ADGRV1: variants seen among roughly 807,000 people sequenced by gnomAD.
The protein encoded by ADGRV1 is G-protein coupled receptor 98.
A neutral mutation model predicts 596.2 loss-of-function variants in ADGRV1; 359 were observed. That is an observed-to-expected ratio of 0.60 (90% CI 0.55 to 0.66). The LOEUF (loss-of-function observed/expected upper bound fraction) is 0.66, where lower values mean the gene tolerates loss of function less well. Ranked by LOEUF, ADGRV1 falls within the 30% of genes least tolerant of loss-of-function variation. The pLI is 0.00. For missense variants in ADGRV1, 7,274 were observed against 7,575.6 expected (o/e 0.96, Z 1.48); for synonymous variants, 2,681 against 2,679.2 (o/e 1.00, Z -0.02).
At chr5:90,770,333 G>T (rs1296778271) in intron 59 of ADGRV1, among the ~76,000 whole-genome samples, 2 of 152,080 alleles carry the variant, frequency 1.3e-5, no homozygotes, top group African/African-American at 2.4e-5. Flanking sequence ...CTCCCGCCAG[G>T]TCCCTCCCAT....
chr5:90,567,514 A>C (rs1199760913), intron 1 of ADGRV1, among the ~76,000 whole-genome samples: 1 of 151,746 alleles, frequency 6.6e-6, no homozygotes, highest in Non-Finnish European at 1.5e-5. Context: ...TCAGATTTTT[A>C]ATTTCTTTTT....
At chr5:91,161,279 G>T (rs1796920913) in intron 89 of ADGRV1, among the ~76,000 whole-genome samples, 1 of 152,158 alleles carries the variant, frequency 6.6e-6, no homozygotes, top group African/African-American at 2.4e-5. Flanking sequence ...CAGCAGAGAA[G>T]CATGGGCCAT....
chr5:91,037,152 G>A (rs1373705245), intron 85 of ADGRV1, among the ~76,000 whole-genome samples: 1 of 152,200 alleles, frequency 6.6e-6, no homozygotes, highest in African/African-American at 2.4e-5. Context: ...GGTGATTGCT[G>A]TGCATGCAGT....
intron 85 of ADGRV1, among the ~76,000 whole-genome samples, chr5:91,050,743 C>T (rs1032057535): frequency 6.6e-6 from 1 of 151,958 alleles, no homozygotes; most frequent in South Asian, 2.1e-4. Flanking sequence ...GCCTGTGGTT[C>T]CAGGTACTCA....
Position 91,011,757 on chromosome 5 carries a change from GAA to G in ADGRV1, c.18152+26244_18152+26245del, listed in dbSNP as rs79702880. On this transcript the variant is annotated intron_variant, in intron 85 of 89. Transcript: ENST00000405460. ...ATTTAGATTTGATAAGGCCAGGGGG[GAA>G]AAAAAAAAGCAATGCTAACAGAAAT... Among the ~76,000 whole-genome samples, 20 of 150,802 alleles carry G rather than the reference GAA, an allele frequency of 1.3e-4. No homozygotes were observed. In the South Asian group the frequency reaches 2.3e-3, roughly 17 times the overall value.
At chr5:90,625,335 C>G (rs998506102) in intron 6 of ADGRV1, 92 bp downstream of exon 6, 2 of 710,174 alleles carry the variant, frequency 2.8e-6, no homozygotes, top group Non-Finnish European at 4.9e-6. Flanking sequence ...CCAGTCGCAC[C>G]TCAGCTATAA....
chr5:90,759,275 G>C lies in ADGRV1; in HGVS notation c.11941-134G>C. 9.6e-6 allele frequency: 6 copies of C among 622,722 alleles called. 1 individual carries two copies. The South Asian group carries it at 1.4e-4, about 14-fold the overall frequency. The allele number at this position is 622,722 out of a possible 1,614,324, so 38.6% of individuals were successfully genotyped here. A position where few individuals can be genotyped will look rare whatever the true frequency, so the allele number is the denominator to read the frequency against. On this transcript the variant is annotated intron_variant, in intron 57 of 89. Coordinates refer to ENST00000405460, the MANE Select transcript of ADGRV1 (RefSeq NM_032119.4). ...AACTACTTTTTAGTACCATGTTTCT[G>C]AGATTTTTGGTTTCAACTAAAAAAT...
chr5:90,754,844 A>G, intron 54 of ADGRV1, 139 bp from the exon 55 acceptor site: 1 of 609,214 alleles, frequency 1.6e-6, no homozygotes, highest in South Asian at 2.4e-5. Flanking sequence ...GATCCTTGGG[A>G]GTATACATTG....
At chr5:90,992,294 C>G (rs972135593) in intron 85 of ADGRV1, among the ~76,000 whole-genome samples, 1 of 152,124 alleles carries the variant, frequency 6.6e-6, no homozygotes, top group Non-Finnish European at 1.5e-5. Context: ...CTTTTTATGG[C>G]GATTAATTAT....
At chr5:91,050,844 G>T (rs565940707) in intron 85 of ADGRV1, among the ~76,000 whole-genome samples, 21 of 152,308 alleles carry the variant, frequency 1.4e-4, no homozygotes, top group African/African-American at 4.8e-4. Context: ...GGGTGATGGA[G>T]TGAGACCCTG....
intron 77 of ADGRV1, among the ~76,000 whole-genome samples, chr5:90,836,874 G>A (rs1386468681): frequency 1.3e-5 from 2 of 152,150 alleles, no homozygotes; most frequent in African/African-American, 4.8e-5. Flanking sequence ...AATTGCCCTT[G>A]TGTTGTTCTC....
intron 86 of ADGRV1, among the ~76,000 whole-genome samples, chr5:91,076,343 ATGGAG>A (rs1041384370): frequency 1.3e-5 from 2 of 152,146 alleles, no homozygotes; most frequent in Non-Finnish European, 2.9e-5. Flanking sequence ...TTATCTTAGA[ATGGAG>A]TGGTCACTTG....
chr5:90,979,677 A>G (rs1779931524), intron 84 of ADGRV1, among the ~76,000 whole-genome samples: 1 of 152,200 alleles, frequency 6.6e-6, no homozygotes. Flanking sequence ...GTCTGCATAC[A>G]TCCATGCCAT....
At chr5:91,111,697 A>G (rs1792382659) in intron 87 of ADGRV1, among the ~76,000 whole-genome samples, 1 of 152,242 alleles carries the variant, frequency 6.6e-6, no homozygotes, top group Non-Finnish European at 1.5e-5. Flanking sequence ...CTAGCACATG[A>G]ACTATTCATG....
chr5:90,581,893 A>G (rs1474688316), intron 1 of ADGRV1, among the ~76,000 whole-genome samples: 1 of 152,182 alleles, frequency 6.6e-6, no homozygotes, highest in African/African-American at 2.4e-5. Context: ...CTCTACTCTC[A>G]TTAGTTTCAA....
At chr5:90,813,747 C>T (rs771408919) in intron 74 of ADGRV1, among the ~76,000 whole-genome samples, 2 of 152,172 alleles carry the variant, frequency 1.3e-5, no homozygotes, top group Non-Finnish European at 2.9e-5. Context: ...CCCTACCTGA[C>T]ATTTTTTTCT....
In ADGRV1 at chr5:90,584,002, G is replaced by A. The variant is rs558573977; in HGVS notation, c.22+25085G>A. ...GTTAAGAGTATAAGAGCTGGACTCTGATGGCTTGGGTTTATATCCTGGCCA... is the reference window on the plus strand; with the variant it reads ...GTTAAGAGTATAAGAGCTGGACTCTAATGGCTTGGGTTTATATCCTGGCCA... On this transcript the variant is annotated intron_variant, in intron 1 of 89. Coordinates refer to ENST00000405460, the MANE Select transcript of ADGRV1 (RefSeq NM_032119.4). Among the ~76,000 whole-genome samples, 2 of 152,302 alleles carry A rather than the reference G, an allele frequency of 1.3e-5. 1 individual carries two copies.
chr5:91,161,541 A>G (rs1356944709), intron 89 of ADGRV1, among the ~76,000 whole-genome samples: 1 of 149,232 alleles, frequency 6.7e-6, no homozygotes, highest in African/African-American at 2.5e-5. Flanking sequence ...GAAACCAGAA[A>G]TCTGATTTTT....
intron 75 of ADGRV1, 60 bp from the exon 76 acceptor site, chr5:90,823,365 C>A: frequency 6.6e-7 from 1 of 1,510,248 alleles, no homozygotes; most frequent in Non-Finnish European, 9.1e-7. Context: ...TGATAATAAA[C>A]TCTATTAGAC....
Sources: allele counts gnomAD v4.1 joint callset (sites outside exome capture counted in the v4.1 genomes callset), GRCh38; gene constraint gnomAD v4.1.1; transcripts MANE v1.5; gene names NCBI Gene and HGNC (gene_info 2026-07-23, HGNC 2026-07-21).